ALK: variants seen among roughly 807,000 people sequenced by gnomAD.
ALK encodes ALK receptor tyrosine kinase.
Under a neutral mutation model 163.1 loss-of-function variants are expected in ALK, and 74 were observed. The ratio of observed to expected loss-of-function variants is 0.45; its 90% CI spans 0.38 to 0.55. The LOEUF (loss-of-function observed/expected upper bound fraction) is 0.55, where lower values mean the gene tolerates loss of function less well. Ranked by LOEUF, ALK falls within the 20% of genes least tolerant of loss-of-function variation. The pLI is 0.00. For synonymous variants in ALK, 960 were observed against 843.2 expected (o/e 1.14, Z -2.40); for missense variants, 2,063 against 2,105.3 (o/e 0.98, Z 0.39).
intron 1 of ALK, among the ~76,000 whole-genome samples, chr2:29,861,784 A>C (rs1241009403): frequency 6.6e-6 from 1 of 152,212 alleles, no homozygotes; most frequent in Non-Finnish European, 1.5e-5. Context: ...TCACTTTATG[A>C]GGCAAAATTA....
chr2:29,831,093 GAGGAGGAGGAGGAGGAGA>G (rs1665387368), intron 1 of ALK, among the ~76,000 whole-genome samples: 2 of 58,364 alleles, frequency 3.4e-5, no homozygotes, highest in African/African-American at 6.8e-5. Context: ...GGAGGAGGAG[GAGGAGGAGGAGGAGGAGA>G]AGAAGAAGAA....
At chr2:29,428,488 AG>A (rs1670197976) in intron 4 of ALK, among the ~76,000 whole-genome samples, 2 of 152,012 alleles carry the variant, frequency 1.3e-5, no homozygotes, top group Admixed American at 1.3e-4. Context: ...GTTTAAAAAA[AG>A]CTATGTGCCA....
chr2:29,587,084 C>A, intron 3 of ALK, among the ~76,000 whole-genome samples: 1 of 152,262 alleles, frequency 6.6e-6, no homozygotes, highest in East Asian at 1.9e-4. Context: ...AGCCTAGGGC[C>A]TTTCTCTTGG....
At chr2:29,884,217 CAT>C (rs1666935130) in intron 1 of ALK, among the ~76,000 whole-genome samples, 1 of 152,170 alleles carries the variant, frequency 6.6e-6, no homozygotes, top group South Asian at 2.1e-4. Context: ...AATTTCATAT[CAT>C]AGTAAAATGT....
At chr2:29,629,799 C>G (rs1005757105) in intron 3 of ALK, among the ~76,000 whole-genome samples, 5 of 152,086 alleles carry the variant, frequency 3.3e-5, no homozygotes, top group African/African-American at 4.8e-5. Flanking sequence ...TTTTACAGGT[C>G]AAAGCAGTAA....
chr2:29,683,292 G>A (rs545556500), intron 3 of ALK, among the ~76,000 whole-genome samples: 5 of 152,160 alleles, frequency 3.3e-5, no homozygotes, highest in South Asian at 2.1e-4. Flanking sequence ...CAGGAGAATC[G>A]CTTGAACCCA....
At chr2:29,492,355 C>A (rs1671922248) in intron 4 of ALK, among the ~76,000 whole-genome samples, 1 of 152,114 alleles carries the variant, frequency 6.6e-6, no homozygotes, top group Non-Finnish European at 1.5e-5. Flanking sequence ...ACTGGGGATG[C>A]ACTGAGAAAT....
chr2:29,870,360 CAA>C (rs977012862), intron 1 of ALK, among the ~76,000 whole-genome samples: 24 of 152,236 alleles, frequency 1.6e-4, no homozygotes, highest in African/African-American at 5.8e-4. Flanking sequence ...TGGCAGGAGA[CAA>C]AGTGTGAACG....
intron 4 of ALK, among the ~76,000 whole-genome samples, chr2:29,386,555 C>T (rs2148303874): frequency 6.6e-6 from 1 of 152,298 alleles, no homozygotes; most frequent in Middle Eastern, 3.4e-3. Flanking sequence ...TCATATTCTG[C>T]CAAAATCATA....
rs112920541 is a variant in ALK at position 29,854,402 on chromosome 2, A to C, written c.667+65591T>G. ...GAGCTGGTTGTTTAAAGGAGCCTGG[A>C]ACCTCCCCCTCTCTCTCTCTTAAGA... On this transcript the variant is annotated intron_variant, in intron 1 of 28. Coordinates refer to ENST00000389048, the MANE Select transcript of ALK (RefSeq NM_004304.5). 5.4e-3 allele frequency among the ~76,000 whole-genome samples: 819 copies of C among 152,006 alleles called. 4 individuals carry two copies. The highest frequency in any genetic ancestry group is 0.019 in the African/African-American group (782 of 41,430).
intron 24 of ALK, among the ~76,000 whole-genome samples, chr2:29,211,685 T>C (rs1669469909): frequency 6.6e-6 from 1 of 152,218 alleles, no homozygotes; most frequent in South Asian, 2.1e-4. Flanking sequence ...TCGAGGCAAC[T>C]CTGTTGTGGG....
chr2:29,744,580 C>G (rs776700781), intron 1 of ALK, among the ~76,000 whole-genome samples: 1 of 151,922 alleles, frequency 6.6e-6, no homozygotes, highest in Non-Finnish European at 1.5e-5. Flanking sequence ...TTTTAATTAA[C>G]TGACTTTTCT....
At chr2:29,731,434 G>T (rs1356670125) in intron 1 of ALK, among the ~76,000 whole-genome samples, 1 of 152,190 alleles carries the variant, frequency 6.6e-6, no homozygotes, top group Non-Finnish European at 1.5e-5. Context: ...TTTTGGCAAT[G>T]ACTCCAGGAG....
intron 4 of ALK, among the ~76,000 whole-genome samples, chr2:29,395,812 C>A (rs11127220): frequency 0.31 from 47,804 of 152,098 alleles, 8,065 homozygotes; most frequent in East Asian, 0.52. Context: ...AACAGCCAGG[C>A]CTTTTTGGGG....
intron 1 of ALK, among the ~76,000 whole-genome samples, chr2:29,748,509 T>A (rs924027475): frequency 2.6e-5 from 4 of 151,900 alleles, no homozygotes; most frequent in African/African-American, 9.7e-5. Context: ...AGCTCCCAGG[T>A]GATGAACATG....
intron 5 of ALK, among the ~76,000 whole-genome samples, chr2:29,329,081 G>C (rs1667362534): frequency 6.6e-6 from 1 of 152,140 alleles, no homozygotes; most frequent in African/African-American, 2.4e-5. Flanking sequence ...CCTTCTCTGT[G>C]TGGCCCCTGT....
At chr2:29,874,525 C>T (rs114051030) in intron 1 of ALK, among the ~76,000 whole-genome samples, 2,000 of 152,272 alleles carry the variant, frequency 0.013, 43 homozygotes, top group African/African-American at 0.045. Context: ...CAGGACCTCC[C>T]GGCCCACATG....
intron 4 of ALK, among the ~76,000 whole-genome samples, chr2:29,460,490 C>T (rs1671059057): frequency 1.3e-5 from 2 of 152,100 alleles, no homozygotes; most frequent in African/African-American, 4.8e-5. Flanking sequence ...CCATATTTTC[C>T]AGCAGTGTGT....
chr2:29,496,393 G>T (rs1672024723), intron 4 of ALK, among the ~76,000 whole-genome samples: 2 of 152,170 alleles, frequency 1.3e-5, no homozygotes, highest in South Asian at 4.1e-4. Context: ...TTGGTTCAGG[G>T]TCACTGCATA....
Sources: gnomAD v4.1 joint callset for allele counts (sites outside exome capture counted in the v4.1 genomes callset) on GRCh38, gnomAD v4.1.1 for gene constraint, MANE v1.5 for transcripts, NCBI Gene and HGNC (gene_info 2026-07-23, HGNC 2026-07-21) for gene names.